The following UNC80 variants were observed in gnomAD, a reference collection of about 807,000 sequenced individuals.
The protein encoded by UNC80 is protein unc-80 homolog.
UNC80 carries 164 observed loss-of-function variants against 384.6 expected under a neutral mutation model. The observed-to-expected ratio is 0.43, with a 90% CI of 0.38 to 0.49. UNC80 has a LOEUF of 0.49. Among genes scored for constraint, UNC80 ranks in the 20% least tolerant of loss-of-function variants. UNC80 has a pLI of 0.00. For synonymous variants in UNC80, 1,486 were observed against 1,527.8 expected, an observed-to-expected ratio of 0.97 and a Z score of 0.64; for missense variants, 3,330 against 4,143.0, an observed-to-expected ratio of 0.80 and a Z score of 5.39.
intron 18 of UNC80, among the ~76,000 whole-genome samples, chr2:209,837,161 C>T (rs2081384133): frequency 6.6e-6 from 1 of 152,224 alleles, no homozygotes. Context: ...TTAAGAAATT[C>T]TGGATACCCA....
chr2:209,908,053 T>A (rs900322288), intron 29 of UNC80, among the ~76,000 whole-genome samples: 8 of 152,216 alleles, frequency 5.3e-5, no homozygotes, highest in Admixed American at 4.6e-4. Flanking sequence ...TGATAAACAT[T>A]TTATTTGCAA....
Position 209,817,021 on chromosome 2 carries a change from T to C in UNC80, c.1448T>C (p.Leu483Pro), listed in dbSNP as rs1285749468. 6.4e-7 allele frequency: 1 copy of C among 1,551,660 alleles called. No individual in the cohort carries two copies. Among genetic ancestry groups the C allele is most frequent in the African/African-American group, 1.4e-5 (1 of 73,046 alleles). Residue 483 changes from leucine to proline, a missense_variant, in exon 10 of 65, where the codon CTG (leucine) becomes CCG (proline). Transcript: ENST00000673920. ...CCCTTCCTGCTTCACGAGGACCACC[T>C]GGATGTGTCCCCCACGCGCAGCACA... ...GVPFLLHEDH[L>P]DVSPTRSTFS...
chr2:209,899,474 A>C (rs1179760900), intron 28 of UNC80, among the ~76,000 whole-genome samples: 4 of 152,176 alleles, frequency 2.6e-5, no homozygotes, highest in Non-Finnish European at 5.9e-5. Flanking sequence ...AAACTGCTCT[A>C]AAACATAAAG....
At chr2:209,927,231 C>T (rs1295370241) in intron 36 of UNC80, among the ~76,000 whole-genome samples, 1 of 152,136 alleles carries the variant, frequency 6.6e-6, no homozygotes, top group African/African-American at 2.4e-5. Flanking sequence ...GAGCATTGTT[C>T]GTGACCAGAG....
At chr2:209,967,210 A>G (rs1175836755) in intron 51 of UNC80, among the ~76,000 whole-genome samples, 3 of 151,974 alleles carry the variant, frequency 2.0e-5, no homozygotes, top group Non-Finnish European at 4.4e-5. Flanking sequence ...TGCTCTTTAC[A>G]TGTTGTCTCT....
chr2:209,903,931 G>A (rs752758683), intron 28 of UNC80, among the ~76,000 whole-genome samples: 17 of 151,866 alleles, frequency 1.1e-4, no homozygotes, highest in African/African-American at 1.9e-4. Context: ...AGTTGTTAAG[G>A]TGGGAACTAT....
chr2:209,938,676 G>GTCTCTGTCTC (rs1169823903), intron 42 of UNC80, among the ~76,000 whole-genome samples: 1 of 137,474 alleles, frequency 7.3e-6, no homozygotes, highest in African/African-American at 2.7e-5. Flanking sequence ...CCTAGTCTCT[G>GTCTCTGTCTC]TCTCTCTCTC....
intron 7 of UNC80, among the ~76,000 whole-genome samples, chr2:209,801,747 A>G (rs914288502): frequency 1.3e-5 from 2 of 149,782 alleles, no homozygotes; most frequent in African/African-American, 4.9e-5. Flanking sequence ...TAATTTTTAA[A>G]TGATCTACCT....
Position 209,922,400 on chromosome 2 carries a change from A to T in UNC80, c.5662+17A>T. On this transcript the variant is annotated intron_variant, in intron 35 of 64. Transcript: ENST00000673920. ...GTGCTGAAGGTGTGTCCTCTTGCATACGTTTTATTTCTCCTGACTTATGTG... is the reference window on the plus strand; with the variant it reads ...GTGCTGAAGGTGTGTCCTCTTGCATTCGTTTTATTTCTCCTGACTTATGTG... 6.5e-7 allele frequency: 1 copy of T among 1,549,866 alleles called. No individual in the cohort carries two copies. Among genetic ancestry groups the T allele is most frequent in the Non-Finnish European group, 8.7e-7 (1 of 1,145,760 alleles).
intron 22 of UNC80, among the ~76,000 whole-genome samples, chr2:209,862,648 G>GTTTTTTTTTT (rs1430015087): frequency 6.8e-5 from 7 of 102,708 alleles, no homozygotes; most frequent in African/African-American, 1.0e-4. Flanking sequence ...TGCAACCTCT[G>GTTTTTTTTTT]CTTTTTTTTT....
chr2:209,787,076 G>T (rs1218504163), intron 5 of UNC80, among the ~76,000 whole-genome samples: 1 of 148,410 alleles, frequency 6.7e-6, no homozygotes, highest in East Asian at 2.0e-4. Flanking sequence ...AATTCATAAG[G>T]GTTTTGTGCA....
intron 14 of UNC80, among the ~76,000 whole-genome samples, chr2:209,828,539 T>G (rs574427913): frequency 6.6e-6 from 1 of 152,266 alleles, no homozygotes; most frequent in South Asian, 2.1e-4. Flanking sequence ...CCAAGAATTT[T>G]TTCCTGGGCC....
At chr2:209,841,548 C>T (rs1285407986) in intron 20 of UNC80, among the ~76,000 whole-genome samples, 1 of 152,014 alleles carries the variant, frequency 6.6e-6, no homozygotes, top group African/African-American at 2.4e-5. Context: ...GACGGGGTTT[C>T]ACCATGTTGG....
chr2:209,975,820 A>AT (rs1003764125), intron 56 of UNC80, among the ~76,000 whole-genome samples: 5 of 152,170 alleles, frequency 3.3e-5, no homozygotes, highest in East Asian at 1.9e-4. Context: ...TTTATGAAAC[A>AT]TTTTCCTTTC....
At chr2:209,796,472 G>A (rs1367252647) in intron 7 of UNC80, 1 of 152,200 alleles carries the variant, frequency 6.6e-6, no homozygotes, top group African/African-American at 2.4e-5. Flanking sequence ...GAAATGTGAG[G>A]ATATGAGACT....
intron 5 of UNC80, among the ~76,000 whole-genome samples, chr2:209,787,330 T>A (rs1231922064): frequency 1.3e-5 from 2 of 152,132 alleles, no homozygotes; most frequent in Admixed American, 1.3e-4. Flanking sequence ...GAATTTTACC[T>A]CCAGGATAGC....
At chr2:209,941,637 T>A in intron 44 of UNC80, 148 bp downstream of exon 44, 2 of 995,874 alleles carry the variant, frequency 2.0e-6, no homozygotes, top group Non-Finnish European at 2.8e-6. Flanking sequence ...AATCCCCCCA[T>A]AAATTTGCAA....
chr2:209,788,048 G>A lies in UNC80; in HGVS notation c.725-1484G>A, dbSNP rs2077555651. Among the ~76,000 whole-genome samples the A allele has an allele frequency of 3.3e-5, 5 of 152,164 alleles. No individual in the cohort carries two copies. In the South Asian group the frequency reaches 1.0e-3, roughly 32 times the overall value. On this transcript the variant is annotated intron_variant, in intron 5 of 64. Transcript: ENST00000673920. Reference sequence around the variant, plus strand: ...CGGGTAGGCCTAGGCTAATGTGTGTGTTTGTGTCTTGTTTTTAACCAAAAA... The same window carrying A: ...CGGGTAGGCCTAGGCTAATGTGTGTATTTGTGTCTTGTTTTTAACCAAAAA...
At chr2:209,822,632 G>A (rs2080222646) in intron 13 of UNC80, among the ~76,000 whole-genome samples, 1 of 152,048 alleles carries the variant, frequency 6.6e-6, no homozygotes, top group Non-Finnish European at 1.5e-5. Context: ...TAAACTGATA[G>A]GTTTTGTATG....
Sources: gnomAD v4.1 joint callset for allele counts (sites outside exome capture counted in the v4.1 genomes callset) on GRCh38, gnomAD v4.1.1 for gene constraint, MANE v1.5 for transcripts, NCBI Gene and HGNC (gene_info 2026-07-23, HGNC 2026-07-21) for gene names.